The following RGMA variants were observed in gnomAD, a reference collection of about 807,000 sequenced individuals.
RGMA encodes the protein repulsive guidance molecule A.
A neutral mutation model predicts 23.2 loss-of-function variants in RGMA; 10 were observed. The ratio of observed to expected loss-of-function variants is 0.43; its 90% CI spans 0.27 to 0.73. The LOEUF is 0.73. Ranked by LOEUF, RGMA falls within the 30% of genes least tolerant of loss-of-function variation. The pLI is 0.20. For synonymous variants in RGMA, 308 were observed against 279.3 expected, an observed-to-expected ratio of 1.10 and a Z score of -1.03; for missense variants, 547 against 630.5, an observed-to-expected ratio of 0.87 and a Z score of 1.42.
intron 2 of RGMA, among the ~76,000 whole-genome samples, chr15:93,072,287 G>A (rs1414550704): frequency 6.6e-6 from 1 of 152,182 alleles, no homozygotes; most frequent in Non-Finnish European, 1.5e-5. Flanking sequence ...GGAAACAGAT[G>A]GGCTTTTTCA....
In RGMA at chr15:93,052,011, C is replaced by T. The variant is rs369829037; in HGVS notation, c.627G>A (p.Ala209=). The T allele has an allele frequency of 6.7e-5, 108 of 1,605,810 alleles. No homozygotes were observed. The African/African-American group carries it at 1.1e-3, about 17-fold the overall frequency. Residue 209 remains alanine (A), a synonymous_variant, in exon 3 of 4, where the codon GCG becomes GCA. Transcript: ENST00000329082. The part of the protein sequence containing the change: ...VTNTPVLPGS[A]ATATSKLTII... Reference sequence around the variant, plus strand: ...CCCTTACCTTGCTGGTGGCAGTGGCCGCTGAGCCGGGCAGCACAGGCGTGT... The same window carrying T: ...CCCTTACCTTGCTGGTGGCAGTGGCTGCTGAGCCGGGCAGCACAGGCGTGT...
intron 2 of RGMA, among the ~76,000 whole-genome samples, chr15:93,053,817 C>T (rs1268434725): frequency 6.6e-6 from 1 of 152,196 alleles, no homozygotes; most frequent in African/African-American, 2.4e-5. Context: ...ATTTGGGCTC[C>T]CCCCTTCACG....
At chr15:93,066,425 C>A in intron 2 of RGMA, 1 of 643,734 alleles carries the variant, frequency 1.6e-6, no homozygotes, top group Non-Finnish European at 2.9e-6. Context: ...TCCAAGGCCG[C>A]CGTCGTTGCC....
intron 2 of RGMA, among the ~76,000 whole-genome samples, chr15:93,069,893 G>A (rs751511513): frequency 1.2e-4 from 18 of 152,212 alleles, no homozygotes; most frequent in Non-Finnish European, 2.1e-4. Context: ...AACTCTTTTC[G>A]AAAAAGTCAC....
At chr15:93,069,552 C>A (rs56041406) in intron 2 of RGMA, among the ~76,000 whole-genome samples, 89,709 of 151,642 alleles carry the variant, frequency 0.59, 27,004 homozygotes, top group East Asian at 0.95. Flanking sequence ...AGCTGCAGTT[C>A]AAAGTATAAG....
At chr15:93,085,200 T>C (rs1895618055) in intron 1 of RGMA, among the ~76,000 whole-genome samples, 1 of 136,266 alleles carries the variant, frequency 7.3e-6, no homozygotes, top group African/African-American at 2.6e-5. Context: ...CCAAAGACCC[T>C]GATCTTAAGA....
rs1391482382 is a variant in RGMA, at chr15:93,036,757, G to C, written c.*8241C>G. The stretch of plus-strand genomic sequence containing the variant: ...CAGCTCGTTCTCTGCCCTCAAGCGA[G>C]GAGTAGGTGGGCGCAGTGAGCGGTG... On this transcript the variant is annotated 3_prime_UTR_variant, in exon 4 of 4. Coordinates refer to ENST00000329082, the MANE Select transcript of RGMA (RefSeq NM_020211.3). The C allele has an allele frequency of 6.6e-6, 1 of 152,340 alleles. No individual in the cohort carries two copies. Among genetic ancestry groups the C allele is most frequent in the African/African-American group, 2.4e-5 (1 of 41,464 alleles). The allele number at this position is 152,340 out of a possible 1,614,324, so 9.4% of individuals were successfully genotyped here.
intron 2 of RGMA, among the ~76,000 whole-genome samples, chr15:93,068,376 T>C (rs746367968): frequency 3.3e-5 from 5 of 152,138 alleles, no homozygotes; most frequent in Non-Finnish European, 7.4e-5. Flanking sequence ...CTCCCCAACA[T>C]GTAAACTGGT....
chr15:93,044,894 GC>G lies in RGMA; in HGVS notation c.*103del. On this transcript the variant is annotated 3_prime_UTR_variant, in exon 4 of 4. Transcript: ENST00000329082. ...CAGGCGGTCCCTGGCGTTCTGCGGG[GC>G]CATGGTGGACACGCCAGGAGATCTG... 1 of 964,454 alleles carries G rather than the reference GC, an allele frequency of 1.0e-6. No homozygotes were observed. Among genetic ancestry groups the G allele is most frequent in the Non-Finnish European group, 1.5e-6 (1 of 653,852 alleles). The allele number at this position is 964,454 out of a possible 1,614,324, so 59.7% of individuals were successfully genotyped here.
intron 3 of RGMA, 123 bp downstream of exon 3, chr15:93,051,870 G>T: frequency 9.5e-7 from 1 of 1,057,190 alleles, no homozygotes; most frequent in East Asian, 2.6e-5. Context: ...GTGCTCCTGT[G>T]TCCCCGCTCC....
chr15:93,083,079 C>A (rs766714616), intron 1 of RGMA, among the ~76,000 whole-genome samples: 34 of 152,232 alleles, frequency 2.2e-4, no homozygotes, highest in Non-Finnish European at 4.6e-4. Flanking sequence ...CTCAGAGGGC[C>A]AGTATGTTCT....
At position 93,039,599 on chromosome 15, in the gene RGMA, T is replaced by C. The variant is rs7170082; in HGVS notation, c.*5399A>G. ...TGTGATGTTCCCTTCCCTGTGTCCA[T>C]GTGTTCTCATTGTTCAACTCCCACT... On this transcript the variant is annotated 3_prime_UTR_variant, in exon 4 of 4. Coordinates refer to ENST00000329082, the MANE Select transcript of RGMA (RefSeq NM_020211.3). The C allele has an allele frequency of 2.0e-5, 3 of 151,404 alleles. No homozygotes were observed. The highest frequency in any genetic ancestry group is 2.9e-5 in the Non-Finnish European group (2 of 67,866). The allele number at this position is 151,404 out of a possible 1,614,324, so 9.4% of individuals were successfully genotyped here.
chr15:93,072,758 G>C (rs1282301320), intron 2 of RGMA, among the ~76,000 whole-genome samples, 158 bp downstream of exon 2: 1 of 152,114 alleles, frequency 6.6e-6, no homozygotes, highest in African/African-American at 2.4e-5. Context: ...TCGCACCCAC[G>C]ACGGGGTGCG....
At chr15:93,061,525 T>C (rs3817596) in intron 2 of RGMA, among the ~76,000 whole-genome samples, 79,667 of 152,066 alleles carry the variant, frequency 0.52, 21,708 homozygotes, top group East Asian at 0.82. Flanking sequence ...GCCCCACAAC[T>C]CACATAAATG....
intron 2 of RGMA, among the ~76,000 whole-genome samples, chr15:93,060,379 A>C (rs4778081): frequency 0.55 from 83,013 of 152,056 alleles, 23,081 homozygotes; most frequent in East Asian, 0.82. Context: ...GTGGGGCAAA[A>C]AGGAGAATCC....
At chr15:93,048,567 C>A (rs1001721980) in intron 3 of RGMA, among the ~76,000 whole-genome samples, 1 of 152,054 alleles carries the variant, frequency 6.6e-6, no homozygotes, top group African/African-American at 2.4e-5. Context: ...CCAGCCTGGC[C>A]GCAGGACACG....
rs1895029320 is a variant in RGMA at position 93,063,251 on chromosome 15, T to A, written c.130+9665A>T. 3.3e-5 allele frequency among the ~76,000 whole-genome samples: 5 copies of A among 152,250 alleles called. No homozygotes were observed. The South Asian group carries it at 1.0e-3, about 31-fold the overall frequency. On this transcript the variant is annotated intron_variant, in intron 2 of 3. Coordinates refer to ENST00000329082, the MANE Select transcript of RGMA (RefSeq NM_020211.3). The stretch of plus-strand genomic sequence containing the variant: ...CTGTCCACCTAGCCTGAGCGGCAGA[T>A]GCTGAGATGCCCTCCTTAGCCACAT...
intron 2 of RGMA, among the ~76,000 whole-genome samples, chr15:93,063,969 G>A (rs1488291832): frequency 1.3e-5 from 2 of 152,192 alleles, no homozygotes; most frequent in African/African-American, 4.8e-5. Context: ...AGCCAGGGCT[G>A]CTTTGCCCCA....
chr15:93,062,133 C>G (rs982748543), intron 2 of RGMA, among the ~76,000 whole-genome samples: 2 of 152,122 alleles, frequency 1.3e-5, no homozygotes, highest in African/African-American at 2.4e-5. Flanking sequence ...ATTTTGAGTG[C>G]AAGCCCCAGG....
Sources: gnomAD v4.1 joint callset for allele counts (sites outside exome capture counted in the v4.1 genomes callset) on GRCh38, gnomAD v4.1.1 for gene constraint, MANE v1.5 for transcripts, NCBI Gene and HGNC (gene_info 2026-07-23, HGNC 2026-07-21) for gene names.